The following DOCK3 variants were observed in gnomAD, a reference collection of about 807,000 sequenced individuals.
DOCK3 encodes dedicator of cytokinesis 3, also known as dedicator of cytokinesis protein 3.
A neutral mutation model predicts 265.6 loss-of-function variants in DOCK3; 60 were observed. That is an observed-to-expected ratio of 0.23 (90% confidence interval 0.18 to 0.28). The LOEUF is 0.28. Among genes scored for constraint, DOCK3 ranks in the 10% least tolerant of loss-of-function variants. The probability of loss-of-function intolerance (pLI) is 1.00; values close to 1 mark genes in which losing one functional copy is unlikely to be tolerated. For missense variants in DOCK3, 1,981 were observed against 2,594.3 expected (o/e 0.76, Z 5.14); for synonymous variants, 881 against 938.0 (o/e 0.94, Z 1.11).
intron 4 of DOCK3, chr3:50,900,822 C>G: frequency 2.4e-6 from 1 of 412,886 alleles, no homozygotes; most frequent in Non-Finnish European, 4.8e-6. Flanking sequence ...GGCTGCAGAA[C>G]AGCAAAGATT....
intron 17 of DOCK3, 87 bp from the exon 18 acceptor site, chr3:51,228,574 G>C: frequency 7.0e-7 from 1 of 1,438,610 alleles, no homozygotes; most frequent in Non-Finnish European, 9.4e-7. Flanking sequence ...GAAGATGAGA[G>C]CAAGTATCAG....
At chr3:51,371,385 C>G (rs191744593) in intron 49 of DOCK3, among the ~76,000 whole-genome samples, 1 of 152,308 alleles carries the variant, frequency 6.6e-6, no homozygotes, top group African/African-American at 2.4e-5. Context: ...GAAAGCAAGT[C>G]CCTTCTAGAC....
rs553757232 is a variant in DOCK3, at chr3:50,977,098, A to G, written c.315+43021A>G. Among the ~76,000 whole-genome samples, 95 of 150,470 alleles carry G rather than the reference A, an allele frequency of 6.3e-4. 1 individual carries two copies. The highest frequency in any genetic ancestry group is 1.9e-3 in the Admixed American group (28 of 15,082). The stretch of plus-strand genomic sequence containing the variant: ...CTGATGGGTCTTGACTCTTTATCCA[A>G]TTTGCCAGTCTGTGTCTTTTAATTG... On this transcript the variant is annotated intron_variant, in intron 5 of 52. Coordinates refer to ENST00000266037, the MANE Select transcript of DOCK3 (RefSeq NM_004947.5).
chr3:51,333,275 C>T (rs2084647690), intron 35 of DOCK3, 22 bp downstream of exon 35: 1 of 1,605,818 alleles, frequency 6.2e-7, no homozygotes, highest in Non-Finnish European at 8.5e-7. Context: ...GCCACCCGCT[C>T]CCCTCTTCCC....
chr3:50,868,535 G>A (rs193215126), intron 3 of DOCK3, among the ~76,000 whole-genome samples: 20 of 151,980 alleles, frequency 1.3e-4, no homozygotes, highest in Admixed American at 3.3e-4. Flanking sequence ...CATCACACCC[G>A]GCTAATTTTT....
intron 28 of DOCK3, 30 bp downstream of exon 28, chr3:51,310,356 C>A: frequency 1.3e-6 from 2 of 1,510,088 alleles, no homozygotes; most frequent in Non-Finnish European, 1.8e-6. Flanking sequence ...GTATCAGCAT[C>A]ACTGAGCTGT....
At chr3:51,098,738 G>A (rs754764058) in intron 9 of DOCK3, among the ~76,000 whole-genome samples, 22 of 152,170 alleles carry the variant, frequency 1.4e-4, no homozygotes, top group Non-Finnish European at 2.4e-4. Flanking sequence ...CTTGGTCCAG[G>A]ACATAGACTC....
intron 51 of DOCK3, among the ~76,000 whole-genome samples, chr3:51,379,846 C>T (rs1429610111): frequency 6.6e-6 from 1 of 152,288 alleles, no homozygotes; most frequent in South Asian, 2.1e-4. Context: ...ACTGTCTCAT[C>T]GCCTAGCAGT....
At chr3:51,332,384 G>A (rs1208347600) in intron 33 of DOCK3, among the ~76,000 whole-genome samples, 1 of 152,230 alleles carries the variant, frequency 6.6e-6, no homozygotes, top group African/African-American at 2.4e-5. Flanking sequence ...GGGTTGTCAA[G>A]TAAGAAAAGA....
At chr3:50,861,638 A>G (rs2046913204) in intron 3 of DOCK3, among the ~76,000 whole-genome samples, 1 of 151,968 alleles carries the variant, frequency 6.6e-6, no homozygotes, top group South Asian at 2.1e-4. Flanking sequence ...TGAGATAGTT[A>G]AATCTTCTTT....
At chr3:51,161,879 C>A (rs1236375640) in intron 12 of DOCK3, among the ~76,000 whole-genome samples, 1 of 152,148 alleles carries the variant, frequency 6.6e-6, no homozygotes, top group African/African-American at 2.4e-5. Flanking sequence ...TCCAACCAGG[C>A]ATGGCATTAT....
chr3:50,979,210 T>G (rs2077602235), intron 5 of DOCK3, among the ~76,000 whole-genome samples: 1 of 152,208 alleles, frequency 6.6e-6, no homozygotes, highest in Non-Finnish European at 1.5e-5. Context: ...TTCAACTACT[T>G]TAGTCAGTGT....
At chr3:51,165,944 A>C (rs2086382315) in intron 12 of DOCK3, among the ~76,000 whole-genome samples, 1 of 151,074 alleles carries the variant, frequency 6.6e-6, no homozygotes, top group South Asian at 2.1e-4. Flanking sequence ...AATAAAGAAA[A>C]TATATAATTC....
At chr3:50,745,895 C>T (rs1160487039) in intron 1 of DOCK3, among the ~76,000 whole-genome samples, 2 of 152,122 alleles carry the variant, frequency 1.3e-5, no homozygotes, top group African/African-American at 4.8e-5. Context: ...GTTTTCTTTT[C>T]AGGGGAGGGA....
rs540101054 is a variant in DOCK3, at chr3:50,935,733, G to A, written c.315+1656G>A. ...TGAGGAGATAGTAGGGTGAAGTTAC[G>A]TCATCTACATAACACAAATGAGGGA... On this transcript the variant is annotated intron_variant, in intron 5 of 52. Transcript: ENST00000266037. Among the ~76,000 whole-genome samples the A allele has an allele frequency of 4.6e-4, 70 of 152,222 alleles. 1 individual carries two copies. In the South Asian group the frequency reaches 5.6e-3, roughly 12 times the overall value.
intron 27 of DOCK3, among the ~76,000 whole-genome samples, chr3:51,299,517 C>T (rs1379304991): frequency 6.6e-6 from 1 of 152,040 alleles, no homozygotes; most frequent in African/African-American, 2.4e-5. Flanking sequence ...ATGATATTGC[C>T]TAGATTTTCT....
intron 5 of DOCK3, among the ~76,000 whole-genome samples, chr3:51,004,201 CTCTT>C (rs1288213313): frequency 2.6e-5 from 4 of 151,952 alleles, no homozygotes; most frequent in Non-Finnish European, 4.4e-5. Flanking sequence ...TTCTTTCTCT[CTCTT>C]TCTGTTTGTG....
chr3:51,060,621 GT>G (rs2081377586), intron 5 of DOCK3, among the ~76,000 whole-genome samples: 2 of 152,262 alleles, frequency 1.3e-5, no homozygotes, highest in Admixed American at 1.3e-4. Flanking sequence ...TTGCTAGCCA[GT>G]TTTCCCAGCA....
In DOCK3 at chr3:51,275,223, C is replaced by A; in HGVS notation, c.2676+17C>A. Reference sequence around the variant, plus strand: ...AGCTCTCTGGTAGTGGCCCCACACCCACTCCACCCTGTTCAGCTCTTCCCT... The same window carrying A: ...AGCTCTCTGGTAGTGGCCCCACACCAACTCCACCCTGTTCAGCTCTTCCCT... On this transcript the variant is annotated intron_variant, in intron 25 of 52. Coordinates refer to ENST00000266037, the MANE Select transcript of DOCK3 (RefSeq NM_004947.5). The A allele has an allele frequency of 6.2e-7, 1 of 1,613,604 alleles. No individual in the cohort carries two copies. The highest frequency in any genetic ancestry group is 1.1e-5 in the South Asian group (1 of 91,058).
Sources: allele counts gnomAD v4.1 joint callset (sites outside exome capture counted in the v4.1 genomes callset), GRCh38; gene constraint gnomAD v4.1.1; transcripts MANE v1.5; gene names NCBI Gene and HGNC (gene_info 2026-07-23, HGNC 2026-07-21).